The following EYS variants were observed in gnomAD, a reference collection of about 807,000 sequenced individuals.
EYS encodes the protein protein eyes shut homolog.
A neutral mutation model predicts 282.1 loss-of-function variants in EYS; 250 were observed. The ratio of observed to expected loss-of-function variants is 0.89; its 90% CI spans 0.80 to 0.98. EYS has a LOEUF of 0.98. Among genes scored for constraint, EYS ranks in the 50% least tolerant of loss-of-function variants. The pLI is 0.00. For missense variants in EYS, 4,016 were observed against 3,709.0 expected (o/e 1.08, Z -2.15); for synonymous variants, 1,355 against 1,282.9 (o/e 1.06, Z -1.20).
intron 1 of EYS, among the ~76,000 whole-genome samples, chr6:65,681,906 T>C (rs1185440113): frequency 6.6e-6 from 1 of 151,960 alleles, no homozygotes; most frequent in Non-Finnish European, 1.5e-5. Flanking sequence ...TGCCTCTACC[T>C]GTCAAGCTCT....
rs149107157 is a variant in EYS at position 64,207,724 on chromosome 6, C to T, written c.6424+22868G>A. 8.6e-3 allele frequency among the ~76,000 whole-genome samples: 1,314 copies of T among 152,124 alleles called. 26 individuals carry two copies. The highest frequency in any genetic ancestry group is 0.029 in the African/African-American group (1,204 of 41,496). ...CCAGGCCGGAGTGCAGTGGTGCGAC[C>T]TCGGATCACTGCAACCTCCGCCTCC... On this transcript the variant is annotated intron_variant, in intron 31 of 42. Transcript: ENST00000503581.
At chr6:65,253,939 G>A (rs1412953673) in intron 12 of EYS, among the ~76,000 whole-genome samples, 1 of 151,602 alleles carries the variant, frequency 6.6e-6, no homozygotes, top group Non-Finnish European at 1.5e-5. Flanking sequence ...TCTTAGTAAA[G>A]CTTAATCTCA....
At chr6:64,594,865 T>TA (rs565154228) in intron 24 of EYS, among the ~76,000 whole-genome samples, 221 of 151,058 alleles carry the variant, frequency 1.5e-3, no homozygotes, top group African/African-American at 4.8e-3. Flanking sequence ...AAAAATTATA[T>TA]AAAAAAAAGA....
chr6:64,291,465 C>T (rs1422015838), intron 30 of EYS, among the ~76,000 whole-genome samples: 1 of 151,892 alleles, frequency 6.6e-6, no homozygotes, highest in African/African-American at 2.4e-5. Context: ...TGTTTCATTT[C>T]CCAAGTATTA....
chr6:64,959,242 T>A (rs1769830238), intron 14 of EYS, among the ~76,000 whole-genome samples: 1 of 152,188 alleles, frequency 6.6e-6, no homozygotes, highest in South Asian at 2.1e-4. Context: ...TCAATAATAA[T>A]TCCAAGAAGC....
At chr6:65,471,777 T>C (rs1017148355) in intron 5 of EYS, among the ~76,000 whole-genome samples, 21 of 152,142 alleles carry the variant, frequency 1.4e-4, no homozygotes, top group Non-Finnish European at 2.6e-4. Flanking sequence ...TAAATTACCA[T>C]TACTATTCTA....
At chr6:63,758,465 T>A (rs1769550162) in intron 41 of EYS, among the ~76,000 whole-genome samples, 1 of 152,050 alleles carries the variant, frequency 6.6e-6, no homozygotes, top group African/African-American at 2.4e-5. Flanking sequence ...TCTTTCTCTG[T>A]AGGAGGCGAC....
chr6:65,168,995 T>C (rs768349316), intron 12 of EYS, among the ~76,000 whole-genome samples: 7 of 151,356 alleles, frequency 4.6e-5, no homozygotes, highest in Non-Finnish European at 1.0e-4. Flanking sequence ...ATCAAAACAA[T>C]TGTTCAGCAT....
chr6:64,698,876 G>T (rs1770678944), intron 22 of EYS, among the ~76,000 whole-genome samples: 1 of 152,122 alleles, frequency 6.6e-6, no homozygotes, highest in African/African-American at 2.4e-5. Flanking sequence ...ACTATTGGTG[G>T]GAGTTAAAAT....
At chr6:65,161,740 A>G (rs1764855215) in intron 12 of EYS, among the ~76,000 whole-genome samples, 1 of 151,182 alleles carries the variant, frequency 6.6e-6, no homozygotes, top group Non-Finnish European at 1.5e-5. Flanking sequence ...TTTACAAACA[A>G]CTAATAAGAA....
intron 1 of EYS, among the ~76,000 whole-genome samples, chr6:65,662,130 A>T (rs999576085): frequency 2.7e-5 from 4 of 150,064 alleles, no homozygotes; most frequent in South Asian, 2.1e-4. Context: ...GGTTAAGGAT[A>T]AAAAAAAAGG....
intron 2 of EYS, among the ~76,000 whole-genome samples, chr6:65,516,262 G>T (rs913273220): frequency 1.3e-5 from 2 of 152,014 alleles, no homozygotes; most frequent in South Asian, 4.1e-4. Flanking sequence ...TTATATACTT[G>T]CATGTTCTAT....
intron 16 of EYS, among the ~76,000 whole-genome samples, chr6:64,904,959 C>A (rs1767779225): frequency 6.6e-6 from 1 of 152,104 alleles, no homozygotes; most frequent in East Asian, 1.9e-4. Flanking sequence ...GGATTGCATT[C>A]AATATAAAGC....
At chr6:65,515,637 T>C (rs1254317168) in intron 2 of EYS, among the ~76,000 whole-genome samples, 2 of 151,784 alleles carry the variant, frequency 1.3e-5, no homozygotes, top group African/African-American at 4.8e-5. Context: ...TCATGTCCTT[T>C]GTAGGGACAT....
intron 31 of EYS, among the ~76,000 whole-genome samples, chr6:64,207,223 G>A (rs1279947653): frequency 6.6e-6 from 1 of 151,690 alleles, no homozygotes; most frequent in Non-Finnish European, 1.5e-5. Flanking sequence ...ATGGGAGTGA[G>A]CTTCTGATAA....
chr6:65,488,314 G>A (rs547572657), intron 5 of EYS, among the ~76,000 whole-genome samples: 2 of 152,056 alleles, frequency 1.3e-5, no homozygotes, highest in Admixed American at 1.3e-4. Flanking sequence ...GGCATTTAGG[G>A]CTATAAATTT....
At chr6:63,748,531 C>A (rs1452676960) in intron 41 of EYS, among the ~76,000 whole-genome samples, 1 of 152,110 alleles carries the variant, frequency 6.6e-6, no homozygotes, top group Non-Finnish European at 1.5e-5. Flanking sequence ...CCCTCCTCAT[C>A]AATTTTTTGG....
At chr6:64,866,178 C>G (rs950794913) in intron 19 of EYS, among the ~76,000 whole-genome samples, 2 of 151,870 alleles carry the variant, frequency 1.3e-5, no homozygotes, top group Non-Finnish European at 2.9e-5. Context: ...TGCAATCTGT[C>G]TGGAGAGATG....
intron 13 of EYS, among the ~76,000 whole-genome samples, chr6:65,000,048 C>G (rs1771412513): frequency 6.6e-6 from 1 of 152,178 alleles, no homozygotes; most frequent in African/African-American, 2.4e-5. Flanking sequence ...ACACAAGCCG[C>G]CTATAGATGG....
Sources: allele counts gnomAD v4.1 joint callset (sites outside exome capture counted in the v4.1 genomes callset), GRCh38; gene constraint gnomAD v4.1.1; transcripts MANE v1.5; gene names NCBI Gene and HGNC (gene_info 2026-07-23, HGNC 2026-07-21).